Variants in ADGRL2 observed in about 807,000 individuals in gnomAD.
ADGRL2 encodes the protein calcium-independent alpha-latrotoxin receptor 2.
In ADGRL2, 44 loss-of-function variants were observed where a neutral mutation model predicts 157.4. The observed-to-expected ratio is 0.28, with a 90% CI of 0.22 to 0.36. ADGRL2 has a LOEUF of 0.36. ADGRL2 is among the 10% of genes least tolerant of loss of function. The pLI is 1.00. For missense variants in ADGRL2, 1,510 were observed against 1,768.9 expected (o/e 0.85, Z 2.63); for synonymous variants, 585 against 624.7 (o/e 0.94, Z 0.95).
chr1:81,892,467 GTTC>G (rs899482216), intron 2 of ADGRL2, among the ~76,000 whole-genome samples: 1 of 152,010 alleles, frequency 6.6e-6, no homozygotes, highest in African/African-American at 2.4e-5. Flanking sequence ...CTAAGATTGT[GTTC>G]TTATTTCATT....
At chr1:81,776,422 C>T (rs913437022) in intron 2 of ADGRL2, among the ~76,000 whole-genome samples, 2 of 152,056 alleles carry the variant, frequency 1.3e-5, no homozygotes, top group East Asian at 1.9e-4. Flanking sequence ...CTCTTGACCT[C>T]GTGATCTGCC....
chr1:81,824,206 T>A (rs2091261345), intron 1 of ADGRL2, among the ~76,000 whole-genome samples: 1 of 152,200 alleles, frequency 6.6e-6, no homozygotes, highest in Non-Finnish European at 1.5e-5. Flanking sequence ...AAAAATTTTT[T>A]AGGCTTGGTT....
At chr1:81,453,183 C>G (rs1229923988) in intron 2 of ADGRL2, among the ~76,000 whole-genome samples, 1 of 152,190 alleles carries the variant, frequency 6.6e-6, no homozygotes. Flanking sequence ...GGGAATTCCA[C>G]TCTGACTAAC....
intron 3 of ADGRL2, among the ~76,000 whole-genome samples, chr1:81,665,164 ATGGATAAAC>A (rs1411601283): frequency 5.3e-5 from 8 of 152,176 alleles, no homozygotes; most frequent in African/African-American, 1.4e-4. Flanking sequence ...TCAAAGACAG[ATGGATAAAC>A]TGATTATTTA....
chr1:81,343,452 T>C (rs1662237488), intron 1 of ADGRL2, among the ~76,000 whole-genome samples: 1 of 152,162 alleles, frequency 6.6e-6, no homozygotes. Context: ...AAAACATGTT[T>C]TAAGGGCCAA....
At chr1:81,640,345 A>T (rs1237674510) in intron 3 of ADGRL2, among the ~76,000 whole-genome samples, 1 of 152,028 alleles carries the variant, frequency 6.6e-6, no homozygotes, top group African/African-American at 2.4e-5. Flanking sequence ...TCAAATAAAA[A>T]ATTATAGGGC....
chr1:81,658,243 G>C (rs1049374904), intron 3 of ADGRL2, among the ~76,000 whole-genome samples: 1 of 151,760 alleles, frequency 6.6e-6, no homozygotes, highest in African/African-American at 2.4e-5. Context: ...TTATAGGCAC[G>C]TGCCACCGCG....
intron 3 of ADGRL2, among the ~76,000 whole-genome samples, chr1:81,616,651 T>C (rs1224116973): frequency 7.9e-6 from 1 of 127,066 alleles, no homozygotes; most frequent in Non-Finnish European, 1.6e-5. Context: ...TTTGGGTTTT[T>C]TTTTTTTCTT....
At chr1:81,447,003 T>C (rs2077609250) in intron 2 of ADGRL2, among the ~76,000 whole-genome samples, 1 of 152,154 alleles carries the variant, frequency 6.6e-6, no homozygotes, top group African/African-American at 2.4e-5. Context: ...AAATGAGATA[T>C]AGGACCTAAA....
At chr1:81,353,129 A>G (rs957397373) in intron 1 of ADGRL2, among the ~76,000 whole-genome samples, 1 of 152,166 alleles carries the variant, frequency 6.6e-6, no homozygotes, top group African/African-American at 2.4e-5. Flanking sequence ...GATTAACCTC[A>G]CTTTATATCT....
chr1:81,772,516 G>A (rs1014118162), intron 2 of ADGRL2, among the ~76,000 whole-genome samples: 47 of 151,986 alleles, frequency 3.1e-4, no homozygotes, highest in African/African-American at 1.1e-3. Flanking sequence ...ATCACCTGAG[G>A]TCAGGAGTTC....
chr1:81,871,768 T>G (rs1269470997), intron 2 of ADGRL2, among the ~76,000 whole-genome samples: 2 of 152,188 alleles, frequency 1.3e-5, no homozygotes, highest in Non-Finnish European at 2.9e-5. Flanking sequence ...CTTTGCCCAC[T>G]TTTTGATGGG....
intron 3 of ADGRL2, among the ~76,000 whole-genome samples, chr1:81,918,217 G>T (rs2094903131): frequency 6.6e-6 from 1 of 152,112 alleles, no homozygotes; most frequent in African/African-American, 2.4e-5. Flanking sequence ...AAATACTTCT[G>T]TTACTCATTA....
chr1:81,548,654 G>A (rs1158688324), intron 2 of ADGRL2, among the ~76,000 whole-genome samples: 2 of 151,980 alleles, frequency 1.3e-5, no homozygotes, highest in Non-Finnish European at 2.9e-5. Flanking sequence ...TTGATCTACA[G>A]GACATAATTG....
intron 3 of ADGRL2, among the ~76,000 whole-genome samples, chr1:81,684,750 T>G (rs867990510): frequency 1.3e-5 from 2 of 152,236 alleles, no homozygotes; most frequent in African/African-American, 4.8e-5. Context: ...CCTTCTAGAA[T>G]TTTTATAGTT....
chr1:81,358,840 A>G (rs2075918397), intron 1 of ADGRL2, among the ~76,000 whole-genome samples: 1 of 152,156 alleles, frequency 6.6e-6, no homozygotes, highest in Admixed American at 6.5e-5. Context: ...AGAAATTTTC[A>G]TCAGTTCTAT....
chr1:81,467,732 T>A (rs2078089817), intron 2 of ADGRL2, among the ~76,000 whole-genome samples: 1 of 152,098 alleles, frequency 6.6e-6, no homozygotes, highest in Non-Finnish European at 1.5e-5. Context: ...CACCCTTGAT[T>A]GACAGGTTCA....
Position 81,343,087 on chromosome 1 carries a change from C to CTTT in ADGRL2, c.-302+36580_-302+36582dup, listed in dbSNP as rs764039251. ...TTTTTCTTTTCTTTTTTTCTTTTTT[C>CTTT]TTTTCTTTTTTTTTTTTTTGAGACA... On this transcript the variant is annotated intron_variant, in intron 1 of 24. Transcript: ENST00000370721. Among the ~76,000 whole-genome samples, 388 of 127,454 alleles carry CTTT rather than the reference C, an allele frequency of 3.0e-3. 24 individuals carry two copies. The highest frequency in any genetic ancestry group is 0.016 in the Middle Eastern group (4 of 246). 83.6% of individuals were successfully genotyped at this position (127,454 alleles called of 152,430 possible).
chr1:81,345,111 C>G (rs768533478), intron 1 of ADGRL2, among the ~76,000 whole-genome samples: 4 of 152,180 alleles, frequency 2.6e-5, no homozygotes, highest in Non-Finnish European at 5.9e-5. Flanking sequence ...TACATGGCAT[C>G]TGGCTTCTAA....
Sources: gnomAD v4.1 joint callset for allele counts (sites outside exome capture counted in the v4.1 genomes callset) on GRCh38, gnomAD v4.1.1 for gene constraint, MANE v1.5 for transcripts, NCBI Gene and HGNC (gene_info 2026-07-23, HGNC 2026-07-21) for gene names.